The following CCDC150 variants were observed in gnomAD, a reference collection of about 807,000 sequenced individuals.
CCDC150 encodes the protein coiled-coil domain containing 150, also known as coiled-coil domain-containing protein 150.
CCDC150 carries 151 observed loss-of-function variants against 156.5 expected under a neutral mutation model. The ratio of observed to expected loss-of-function variants is 0.97; its 90% CI spans 0.85 to 1.10. The LOEUF is 1.10. Ranked by LOEUF, CCDC150 falls within the 50% of genes least tolerant of loss-of-function variation. The pLI, the probability that CCDC150 is intolerant of heterozygous loss-of-function variation, is 0.00. For missense variants in CCDC150, 1,312 were observed against 1,268.1 expected (o/e 1.03, Z -0.53); for synonymous variants, 452 against 429.4 (o/e 1.05, Z -0.65).
intron 5 of CCDC150, among the ~76,000 whole-genome samples, chr2:196,659,973 A>T (rs997300285): frequency 2.0e-5 from 3 of 152,062 alleles, no homozygotes; most frequent in Non-Finnish European, 4.4e-5. Context: ...TGTTCCACCT[A>T]CCCATCCTTC....
chr2:196,729,556 A>G, intron 23 of CCDC150, 169 bp downstream of exon 23: 1 of 692,826 alleles, frequency 1.4e-6, no homozygotes, highest in Non-Finnish European at 2.5e-6. Context: ...TGCTGTGTAA[A>G]TGTTTGATTT....
chr2:196,660,747 T>TA (rs1407999639), intron 5 of CCDC150, among the ~76,000 whole-genome samples: 1 of 152,240 alleles, frequency 6.6e-6, no homozygotes, highest in African/African-American at 2.4e-5. Flanking sequence ...TCCCCTGCTC[T>TA]ATAGCTTATC....
Position 196,656,974 on chromosome 2 carries a change from A to T in CCDC150, c.414A>T (p.Arg138=), listed in dbSNP as rs771795597. 3 of 1,613,558 alleles carry T rather than the reference A, an allele frequency of 1.9e-6. No homozygotes were observed. Among genetic ancestry groups the T allele is most frequent in the African/African-American group, 2.7e-5 (2 of 75,036 alleles). ...NPQKTAFLKD[R]LNAIQEEHSK... is the part of the protein sequence containing the mutation. ...GTCTGGTAGCTTTTCTGAAAGATCG[A>T]CTGAATGCAATACAGGAAGAGCATT... Residue 138 remains arginine, a synonymous_variant, in exon 4 of 28, where the codon CGA becomes CGT. Transcript: ENST00000389175.
Position 196,692,279 on chromosome 2 carries a change from C to T in CCDC150, c.1510-2767C>T, listed in dbSNP as rs891916378. Among the ~76,000 whole-genome samples, 11 of 151,100 alleles carry T rather than the reference C, an allele frequency of 7.3e-5. No homozygotes were observed. In the South Asian group the frequency reaches 8.4e-4, roughly 12 times the overall value. On this transcript the variant is annotated intron_variant, in intron 13 of 27. Transcript: ENST00000389175. ...CCTCCCCAGTAGCTGGGACTACAGG[C>T]GCCCGCCACCGCGCCCGGCTAATTT... is the stretch of plus-strand genomic sequence containing the variant.
At chr2:196,664,686 T>C (rs1693740548) in intron 5 of CCDC150, among the ~76,000 whole-genome samples, 1 of 152,162 alleles carries the variant, frequency 6.6e-6, no homozygotes. Context: ...CGTTAGAGGT[T>C]GAGAGGAGGG....
At chr2:196,719,334 A>G (rs969441969) in intron 18 of CCDC150, 163 bp from the exon 19 acceptor site, 1 of 528,038 alleles carries the variant, frequency 1.9e-6, no homozygotes, top group African/African-American at 2.0e-5. Context: ...ACAATAACTT[A>G]AGAAACCACC....
intron 2 of CCDC150, among the ~76,000 whole-genome samples, chr2:196,655,985 A>T (rs925477606): frequency 2.0e-5 from 3 of 152,132 alleles, no homozygotes; most frequent in African/African-American, 7.2e-5. Context: ...CTCAACTGGT[A>T]ACAGCAGCAG....
intron 14 of CCDC150, among the ~76,000 whole-genome samples, chr2:196,697,963 T>C (rs1350898531): frequency 6.6e-6 from 1 of 152,210 alleles, no homozygotes; most frequent in Non-Finnish European, 1.5e-5. Context: ...ATGGATATTC[T>C]AATGTTTGGT....
intron 2 of CCDC150, among the ~76,000 whole-genome samples, chr2:196,653,883 C>A (rs1575758825): frequency 6.6e-6 from 1 of 152,118 alleles, no homozygotes; most frequent in African/African-American, 2.4e-5. Flanking sequence ...TAGTTTTCTG[C>A]AGGCTAAAAA....
At chr2:196,675,870 G>T (rs1694464158) in intron 10 of CCDC150, among the ~76,000 whole-genome samples, 1 of 152,016 alleles carries the variant, frequency 6.6e-6, no homozygotes, top group Non-Finnish European at 1.5e-5. Context: ...AAATTTGTTG[G>T]TATTAGGAGT....
At chr2:196,648,264 C>T (rs1001181885) in intron 2 of CCDC150, among the ~76,000 whole-genome samples, 7 of 152,206 alleles carry the variant, frequency 4.6e-5, no homozygotes, top group African/African-American at 7.2e-5. Context: ...CAACTATGTA[C>T]GGGGGTTCCC....
At chr2:196,648,255 A>C (rs1692657368) in intron 2 of CCDC150, among the ~76,000 whole-genome samples, 1 of 152,152 alleles carries the variant, frequency 6.6e-6, no homozygotes, top group Admixed American at 6.5e-5. Flanking sequence ...CATTCCCATC[A>C]ACTATGTACG....
chr2:196,701,596 A>G (rs904986127), intron 15 of CCDC150, among the ~76,000 whole-genome samples: 2 of 152,206 alleles, frequency 1.3e-5, no homozygotes, highest in African/African-American at 4.8e-5. Context: ...ATGGTACCCC[A>G]GAGCAGGAAG....
At position 196,732,482 on chromosome 2, in the gene CCDC150, T is replaced by C. The variant is rs1461209303; in HGVS notation, c.3226T>C (p.Ser1076Pro). Residue 1076 changes from serine (S) to proline (P), a missense_variant, in exon 28 of 28, where the codon TCT becomes CCT. Coordinates refer to ENST00000389175, the MANE Select transcript of CCDC150 (RefSeq NM_001080539.2). ...DVKHDVMSNQ[S>P]VLHRWERKQN... ...AAAACATGATGTCATGTCCAACCAATCTGTTCTGCATCGATGGGAGAGAAA... is the reference window on the plus strand; with the variant it reads ...AAAACATGATGTCATGTCCAACCAACCTGTTCTGCATCGATGGGAGAGAAA... 1.9e-6 allele frequency: 3 copies of C among 1,613,562 alleles called. No homozygotes were observed. The highest frequency in any genetic ancestry group is 2.5e-6 in the Non-Finnish European group (3 of 1,179,738).
rs1559225786 is a variant in CCDC150, at chr2:196,666,678, C to A, written c.763-41C>A. On this transcript the variant is annotated intron_variant, in intron 6 of 27. Transcript: ENST00000389175. ...TGCTATAAGGCAGCTTATTTGAAAT[C>A]TTTATCTCACAGAAAAAGAGTTTTT... 6 of 1,537,316 alleles carry A rather than the reference C, an allele frequency of 3.9e-6. No individual in the cohort carries two copies. The South Asian group carries it at 6.2e-5, about 16-fold the overall frequency.
intron 19 of CCDC150, 148 bp downstream of exon 19, chr2:196,719,814 G>A (rs1697773834): frequency 7.8e-6 from 4 of 510,690 alleles, no homozygotes; most frequent in South Asian, 4.3e-5. Flanking sequence ...CTAAGTTAGA[G>A]AAAATTTAGA....
intron 13 of CCDC150, among the ~76,000 whole-genome samples, chr2:196,679,100 G>T (rs1006694874): frequency 1.6e-4 from 24 of 152,132 alleles, no homozygotes; most frequent in Non-Finnish European, 1.6e-4. Context: ...ATCTCATTTT[G>T]TGGTATAAAT....
chr2:196,644,130 C>T (rs1334364413), intron 1 of CCDC150, among the ~76,000 whole-genome samples: 1 of 152,018 alleles, frequency 6.6e-6, no homozygotes, highest in Non-Finnish European at 1.5e-5. Flanking sequence ...AAAAGTCTGC[C>T]TAGGAGCCCT....
intron 13 of CCDC150, among the ~76,000 whole-genome samples, chr2:196,690,200 G>C (rs1695374943): frequency 1.4e-5 from 2 of 144,360 alleles, no homozygotes; most frequent in South Asian, 4.9e-4. Flanking sequence ...ACAGGAAGGG[G>C]AACATCACAC....
Sources: allele counts gnomAD v4.1 joint callset (sites outside exome capture counted in the v4.1 genomes callset), GRCh38; gene constraint gnomAD v4.1.1; transcripts MANE v1.5; gene names NCBI Gene and HGNC (gene_info 2026-07-23, HGNC 2026-07-21).